LRRC37A2: variants seen among roughly 807,000 people sequenced by gnomAD.
The protein encoded by LRRC37A2 is leucine-rich repeat-containing protein 37A2.
Under a neutral mutation model 68.8 loss-of-function variants are expected in LRRC37A2, and 9 were observed. The observed-to-expected ratio is 0.13, with a 90% confidence interval of 0.08 to 0.23. The LOEUF is 0.23. Among genes scored for constraint, LRRC37A2 ranks in the 10% least tolerant of loss-of-function variants. The probability of loss-of-function intolerance (pLI) is 1.00; values close to 1 mark genes in which losing one functional copy is unlikely to be tolerated. For synonymous variants in LRRC37A2, 63 were observed against 367.6 expected, an observed-to-expected ratio of 0.17 and a Z score of 9.48; for missense variants, 168 against 950.4, an observed-to-expected ratio of 0.18 and a Z score of 10.82.
At chr17:46,781,213 A>C in the LRRC37A2 span, among the ~76,000 whole-genome samples, 1 of 135,454 alleles carries the variant, frequency 7.4e-6, no homozygotes, top group Non-Finnish European at 1.6e-5. Context: ...GCGACAGAGC[A>C]AGACTCTGTC....
chr17:46,625,909 C>T, the LRRC37A2 span, among the ~76,000 whole-genome samples: 1 of 122,054 alleles, frequency 8.2e-6, no homozygotes. Context: ...AAAAAAGATA[C>T]TGCTGCTGCA....
the LRRC37A2 span, chr17:46,818,505 A>T: frequency 6.2e-7 from 1 of 1,601,292 alleles, no homozygotes; most frequent in Non-Finnish European, 8.5e-7. Context: ...GGCAGACAAG[A>T]GGCGAGTCTT....
the LRRC37A2 span, among the ~76,000 whole-genome samples, chr17:46,710,146 C>T: frequency 6.6e-6 from 1 of 152,118 alleles, no homozygotes; most frequent in Non-Finnish European, 1.5e-5. Context: ...TTGAAATTCT[C>T]AAGATACATG....
the LRRC37A2 span, among the ~76,000 whole-genome samples, chr17:47,034,332 A>G: frequency 6.6e-6 from 1 of 152,214 alleles, no homozygotes; most frequent in Non-Finnish European, 1.5e-5. Context: ...TTAGTCAAGA[A>G]AAGAATGCCT....
At chr17:46,876,847 C>T in the LRRC37A2 span, 61 of 1,425,348 alleles carry the variant, frequency 4.3e-5, no homozygotes, top group Non-Finnish European at 5.4e-5. Context: ...CCAATGCACA[C>T]GAGTGTGCCA....
At chr17:46,492,694 T>G in the LRRC37A2 span, among the ~76,000 whole-genome samples, 53 of 30,514 alleles carry the variant, frequency 1.7e-3, no homozygotes, top group African/African-American at 2.2e-3. Context: ...GTTTTGTTTT[T>G]TTTTTTTTTT....
the LRRC37A2 span, chr17:46,911,642 G>A: frequency 6.6e-6 from 1 of 152,214 alleles, no homozygotes; most frequent in Non-Finnish European, 1.5e-5. Flanking sequence ...CAGCACTTTG[G>A]GAGGCCAAGG....
the LRRC37A2 span, among the ~76,000 whole-genome samples, chr17:46,963,335 A>C: frequency 2.0e-5 from 3 of 152,196 alleles, no homozygotes; most frequent in African/African-American, 7.2e-5. Context: ...ACTTGAGGTC[A>C]AGAGTTTGAG....
the LRRC37A2 span, chr17:46,949,283 A>T: frequency 7.2e-5 from 11 of 152,298 alleles, no homozygotes; most frequent in Admixed American, 1.3e-4. Context: ...ATCCTCTGGA[A>T]CACCTGCACA....
chr17:46,947,742 T>C, the LRRC37A2 span, among the ~76,000 whole-genome samples: 1 of 152,190 alleles, frequency 6.6e-6, no homozygotes, highest in Non-Finnish European at 1.5e-5. Flanking sequence ...AGTGCCTGTA[T>C]TTGAGAGCTT....
At chr17:46,743,914 C>T in the LRRC37A2 span, among the ~76,000 whole-genome samples, 1 of 152,190 alleles carries the variant, frequency 6.6e-6, no homozygotes, top group Non-Finnish European at 1.5e-5. Flanking sequence ...CAGACAACTT[C>T]GTTTTCAGCC....
chr17:47,025,445 G>C, the LRRC37A2 span, among the ~76,000 whole-genome samples: 1 of 152,098 alleles, frequency 6.6e-6, no homozygotes, highest in Non-Finnish European at 1.5e-5. Flanking sequence ...AAGCTACCAA[G>C]AGAATAGACT....
chr17:46,940,585 T>C, the LRRC37A2 span: 1 of 1,614,142 alleles, frequency 6.2e-7, no homozygotes, highest in Non-Finnish European at 8.5e-7. Context: ...ACAGCACACT[T>C]TGGAGGAAGG....
the LRRC37A2 span, among the ~76,000 whole-genome samples, chr17:46,835,981 C>T: frequency 1.4e-3 from 211 of 152,214 alleles, no homozygotes; most frequent in Middle Eastern, 0.014. Flanking sequence ...CCCTGGGAGA[C>T]CCTGGACCTT....
At chr17:46,721,055 G>A in the LRRC37A2 span, among the ~76,000 whole-genome samples, 3 of 152,178 alleles carry the variant, frequency 2.0e-5, no homozygotes, top group Non-Finnish European at 2.9e-5. Context: ...AGAGCTTGCC[G>A]TGTCCTTGAG....
the LRRC37A2 span, among the ~76,000 whole-genome samples, chr17:46,739,640 T>TA: frequency 1.1e-3 from 165 of 144,944 alleles, no homozygotes; most frequent in Middle Eastern, 3.6e-3. Context: ...CTTCCTCTAC[T>TA]AAAAAAAAAA....
the LRRC37A2 span, among the ~76,000 whole-genome samples, chr17:46,840,651 T>A: frequency 6.6e-6 from 1 of 152,228 alleles, no homozygotes; most frequent in African/African-American, 2.4e-5. Context: ...CTCCACATCC[T>A]TTCCTGCATC....
chr17:46,791,486 C>T, the LRRC37A2 span, among the ~76,000 whole-genome samples: 22 of 152,140 alleles, frequency 1.4e-4, no homozygotes, highest in African/African-American at 5.1e-4. Context: ...GGATTACAGA[C>T]GTGAGCCACC....
At chr17:46,723,527 A>C in the LRRC37A2 span, among the ~76,000 whole-genome samples, 1 of 152,174 alleles carries the variant, frequency 6.6e-6, no homozygotes, top group Non-Finnish European at 1.5e-5. Context: ...TAAATATCCT[A>C]TTCTCATTTT....
Sources: allele counts gnomAD v4.1 joint callset (sites outside exome capture counted in the v4.1 genomes callset), GRCh38; gene constraint gnomAD v4.1.1; transcripts MANE v1.5; gene names NCBI Gene and HGNC (gene_info 2026-07-23, HGNC 2026-07-21).